DPP6: variants seen among roughly 807,000 people sequenced by gnomAD.
The protein encoded by DPP6 is A-type potassium channel modulatory protein DPP6.
DPP6 carries 69 observed loss-of-function variants against 122.6 expected under a neutral mutation model. The observed-to-expected ratio is 0.56, with a 90% CI of 0.46 to 0.69. The LOEUF is 0.69. DPP6 is among the 30% of genes least tolerant of loss of function. The pLI is 0.00. For missense variants in DPP6, 928 were observed against 1,116.9 expected (o/e 0.83, Z 2.41); for synonymous variants, 418 against 433.1 (o/e 0.97, Z 0.43).
At chr7:153,844,961 C>A in the DPP6 span, among the ~76,000 whole-genome samples, 2 of 152,128 alleles carry the variant, frequency 1.3e-5, no homozygotes, top group Non-Finnish European at 2.9e-5. Context: ...GCCATCCAGG[C>A]ACCAGGAGCA....
intron 16 of DPP6, among the ~76,000 whole-genome samples, chr7:154,816,281 G>A (rs1463394215): frequency 6.7e-6 from 1 of 148,620 alleles, no homozygotes; most frequent in Non-Finnish European, 1.5e-5. Context: ...TATTTTGAGA[G>A]AGAGAGACAC....
intron 1 of DPP6, among the ~76,000 whole-genome samples, chr7:154,387,102 G>A (rs548411034): frequency 1.3e-5 from 2 of 152,162 alleles, no homozygotes; most frequent in East Asian, 3.9e-4. Flanking sequence ...AAGAGAAAAT[G>A]AAGCTATATA....
Position 154,412,540 on chromosome 7 carries a change from T to C in DPP6, c.244-33674T>C, listed in dbSNP as rs1332714706. Among the ~76,000 whole-genome samples, 5 of 152,284 alleles carry C rather than the reference T, an allele frequency of 3.3e-5. 1 individual carries two copies. In the East Asian group the frequency reaches 9.6e-4, roughly 29 times the overall value. On this transcript the variant is annotated intron_variant, in intron 1 of 25. Transcript: ENST00000377770. ...GGCCCCATCTCTAATGCAATCACAATGGCAGTGGGGGCTAGTGCTTCAGCA... is the reference window on the plus strand; with the variant it reads ...GGCCCCATCTCTAATGCAATCACAACGGCAGTGGGGGCTAGTGCTTCAGCA...
At chr7:153,945,467 T>G (rs1158092981) in intron 1 of DPP6, among the ~76,000 whole-genome samples, 1 of 151,938 alleles carries the variant, frequency 6.6e-6, no homozygotes, top group Non-Finnish European at 1.5e-5. Flanking sequence ...AGAGGATGGG[T>G]ATGTTTTGAG....
the DPP6 span, among the ~76,000 whole-genome samples, chr7:153,778,266 T>G: frequency 6.6e-6 from 1 of 151,730 alleles, no homozygotes; most frequent in East Asian, 1.9e-4. Flanking sequence ...CCTGGGGTGT[T>G]GGAGGGAGCT....
At chr7:154,703,508 A>G (rs1408814282) in intron 7 of DPP6, among the ~76,000 whole-genome samples, 1 of 151,780 alleles carries the variant, frequency 6.6e-6, no homozygotes, top group African/African-American at 2.4e-5. Context: ...AATCTTAGCT[A>G]CTAGGGAGGC....
intron 13 of DPP6, 133 bp downstream of exon 13, chr7:154,801,595 G>A (rs1475348267): frequency 1.6e-6 from 2 of 1,280,038 alleles, no homozygotes; most frequent in Non-Finnish European, 2.1e-6. Flanking sequence ...CCGAAGGCAG[G>A]GCAGGGCATG....
chr7:154,580,214 T>C (rs543694186), intron 5 of DPP6, among the ~76,000 whole-genome samples: 8 of 128,412 alleles, frequency 6.2e-5, no homozygotes, highest in African/African-American at 1.2e-4. Context: ...CACACACACA[T>C]ACTCTCCCTC....
intron 1 of DPP6, among the ~76,000 whole-genome samples, chr7:154,103,458 T>C (rs1392555264): frequency 6.6e-6 from 1 of 152,212 alleles, no homozygotes; most frequent in African/African-American, 2.4e-5. Context: ...GCACCCCTGC[T>C]TGGCCTTGCA....
chr7:154,623,255 A>C (rs1834812505), intron 5 of DPP6, among the ~76,000 whole-genome samples: 1 of 152,198 alleles, frequency 6.6e-6, no homozygotes, highest in South Asian at 2.1e-4. Context: ...GGTGCGTTGC[A>C]CTAAATGCCT....
chr7:154,885,448 T>C, intron 21 of DPP6, 185 bp from the exon 22 acceptor site: 1 of 747,272 alleles, frequency 1.3e-6, no homozygotes, highest in Non-Finnish European at 2.1e-6. Flanking sequence ...TAATGCTGAG[T>C]TGGAAGGGAG....
intron 3 of DPP6, among the ~76,000 whole-genome samples, chr7:154,525,748 T>C (rs1586541797): frequency 1.6e-5 from 2 of 128,448 alleles, no homozygotes; most frequent in East Asian, 2.0e-4. Flanking sequence ...TTTGTTGTTT[T>C]GTTGTGTTTT....
the DPP6 span, among the ~76,000 whole-genome samples, chr7:153,875,208 T>C: frequency 1.3e-5 from 2 of 152,268 alleles, no homozygotes; most frequent in Non-Finnish European, 2.9e-5. Context: ...AGACATGACA[T>C]TGTCAAGTGC....
intron 1 of DPP6, among the ~76,000 whole-genome samples, chr7:154,432,493 T>C (rs755609564): frequency 3.4e-4 from 51 of 152,154 alleles, no homozygotes; most frequent in Non-Finnish European, 6.9e-4. Context: ...AATAGAGAGA[T>C]TCTTTTCTCT....
chr7:153,753,246 GA>G, the DPP6 span, among the ~76,000 whole-genome samples: 5 of 151,226 alleles, frequency 3.3e-5, no homozygotes, highest in African/African-American at 1.2e-4. Flanking sequence ...TAAGCATCTT[GA>G]ATCTTTAATT....
the DPP6 span, among the ~76,000 whole-genome samples, chr7:153,843,531 C>T: frequency 1.3e-5 from 2 of 151,868 alleles, no homozygotes; most frequent in African/African-American, 4.8e-5. Flanking sequence ...ACCTCCTGGA[C>T]CTGAGATGCC....
chr7:154,419,560 C>A (rs577449971), intron 1 of DPP6, among the ~76,000 whole-genome samples: 2 of 152,178 alleles, frequency 1.3e-5, no homozygotes, highest in African/African-American at 4.8e-5. Context: ...ACTTCACCAG[C>A]GACCTCCCAC....
intron 1 of DPP6, among the ~76,000 whole-genome samples, chr7:154,212,203 C>G (rs1343439870): frequency 3.9e-5 from 6 of 152,158 alleles, no homozygotes; most frequent in Non-Finnish European, 5.9e-5. Flanking sequence ...TGAGTCTTAT[C>G]ATATTCCTAC....
rs998665033 is a variant in DPP6, at chr7:154,154,313, G to C, written c.243+101250G>C. 3.3e-5 allele frequency among the ~76,000 whole-genome samples: 5 copies of C among 152,352 alleles called. No individual in the cohort carries two copies. The South Asian group carries it at 6.2e-4, about 19-fold the overall frequency. On this transcript the variant is annotated intron_variant, in intron 1 of 25. Transcript: ENST00000377770. ...AGCTTTGTAGAATATATTCAATTCT[G>C]CATGTTACTGATGGGTGCTAACCTT... is the stretch of plus-strand genomic sequence containing the variant.
Sources: gnomAD v4.1 joint callset for allele counts (sites outside exome capture counted in the v4.1 genomes callset) on GRCh38, gnomAD v4.1.1 for gene constraint, MANE v1.5 for transcripts, NCBI Gene and HGNC (gene_info 2026-07-23, HGNC 2026-07-21) for gene names.